The following NUDT21 variants were observed in gnomAD, a reference collection of about 807,000 sequenced individuals.
The protein encoded by NUDT21 is cleavage and polyadenylation specificity factor subunit 5.
A neutral mutation model predicts 29.8 loss-of-function variants in NUDT21; 5 were observed. That is an observed-to-expected ratio of 0.17 (90% CI 0.09 to 0.35). The LOEUF is 0.35. Ranked by LOEUF, NUDT21 falls within the 10% of genes least tolerant of loss-of-function variation. The pLI is 1.00. For missense variants in NUDT21, 76 were observed against 276.0 expected (o/e 0.28, Z 5.13); for synonymous variants, 113 against 98.5 (o/e 1.15, Z -0.87).
chr16:56,435,483 T>C (rs1464539009), intron 4 of NUDT21, among the ~76,000 whole-genome samples: 3 of 151,002 alleles, frequency 2.0e-5, no homozygotes, highest in Admixed American at 6.6e-5. Context: ...TCGCAGCACT[T>C]TGGGAGGCCA....
At position 56,434,311 on chromosome 16, in the gene NUDT21, A is replaced by C. The variant is rs1962070258; in HGVS notation, c.662+20T>G. ...TGACAGTTAATATGGATGAACCAAAAAATGTTCAACTTTCTGTACCTGCTC... is the reference window on the plus strand; with the variant it reads ...TGACAGTTAATATGGATGAACCAAACAATGTTCAACTTTCTGTACCTGCTC... On this transcript the variant is annotated intron_variant, in intron 6 of 6. Coordinates refer to ENST00000300291, the MANE Select transcript of NUDT21 (RefSeq NM_007006.3). 6.6e-7 allele frequency: 1 copy of C among 1,521,642 alleles called. No homozygotes were observed. The highest frequency in any genetic ancestry group is 1.1e-5 in the South Asian group (1 of 88,968). 94.3% of individuals were successfully genotyped at this position (1,521,642 alleles called of 1,614,324 possible). A position where few individuals can be genotyped will look rare whatever the true frequency, so the allele number is the denominator to read the frequency against.
rs1213786439 is a variant in NUDT21, at chr16:56,429,501, C to G, written c.*3211G>C. The G allele has an allele frequency of 6.6e-6, 1 of 152,106 alleles. No homozygotes were observed. Among genetic ancestry groups the G allele is most frequent in the Non-Finnish European group, 1.5e-5 (1 of 68,016 alleles). The allele number at this position is 152,106 out of a possible 1,614,324, so 9.4% of individuals were successfully genotyped here. ...CTAGGTTTTAGTAAGTTTTTTTCCA[C>G]AAAAACAAGCTTAATAACTATAATA... On this transcript the variant is annotated 3_prime_UTR_variant, in exon 7 of 7. Transcript: ENST00000300291.
chr16:56,445,126 G>A (rs1266878027), intron 3 of NUDT21, among the ~76,000 whole-genome samples: 2 of 152,086 alleles, frequency 1.3e-5, no homozygotes, highest in Non-Finnish European at 2.9e-5. Context: ...GGAGGTGACA[G>A]TGAGACAAGA....
intron 1 of NUDT21, among the ~76,000 whole-genome samples, chr16:56,449,783 A>AT (rs561475990): frequency 6.6e-6 from 1 of 152,092 alleles, no homozygotes; most frequent in Non-Finnish European, 1.5e-5. Flanking sequence ...TTTTTTCTTA[A>AT]TTTTTAAAAA....
At position 56,433,768 on chromosome 16, in the gene NUDT21, A is replaced by G. The variant is rs992883374; in HGVS notation, c.662+563T>C. On this transcript the variant is annotated intron_variant, in intron 6 of 6. Transcript: ENST00000300291. ...AGTAGCGTGATCTCAGTTCATTGCA[A>G]CCTCTGCCTCCCGGGTTCAAGCAAT... Among the ~76,000 whole-genome samples the G allele has an allele frequency of 3.3e-5, 5 of 152,060 alleles. No homozygotes were observed. The East Asian group carries it at 7.7e-4, about 24-fold the overall frequency.
chr16:56,441,776 T>C (rs917455112), intron 3 of NUDT21, among the ~76,000 whole-genome samples: 19 of 152,266 alleles, frequency 1.2e-4, no homozygotes, highest in African/African-American at 4.1e-4. Flanking sequence ...CTTTAGTTAA[T>C]AACTTTCATT....
intron 4 of NUDT21, among the ~76,000 whole-genome samples, chr16:56,435,817 G>A (rs1222505236): frequency 9.8e-6 from 1 of 102,114 alleles, no homozygotes; most frequent in Non-Finnish European, 1.8e-5. Flanking sequence ...GAATCCTGTT[G>A]TAGACCTGTT....
At chr16:56,434,565 T>C (rs1285961341) in intron 5 of NUDT21, 120 bp from the exon 6 acceptor site, 2 of 782,804 alleles carry the variant, frequency 2.6e-6, no homozygotes, top group Non-Finnish European at 4.2e-6. Flanking sequence ...TTCTCATTAA[T>C]ACATTTTGGT....
At chr16:56,436,382 C>T (rs1477978496) in intron 4 of NUDT21, among the ~76,000 whole-genome samples, 1 of 152,218 alleles carries the variant, frequency 6.6e-6, no homozygotes, top group African/African-American at 2.4e-5. Flanking sequence ...TTAACTGTAT[C>T]TATTCAACTC....
intron 6 of NUDT21, 75 bp downstream of exon 6, chr16:56,434,256 C>T: frequency 1.1e-6 from 1 of 925,964 alleles, no homozygotes; most frequent in Non-Finnish European, 1.8e-6. Context: ...TGAACTATAC[C>T]TTCCCAAGTG....
rs758925789 is a variant in NUDT21 at position 56,451,246 on chromosome 16, AG to A, written c.-45del. ...TGACGGCGAGCAGAAAGTGGCAGGC[AG>A]GGTAGACTTTCCCCGTGCGGGAAGC... On this transcript the variant is annotated 5_prime_UTR_variant, in exon 1 of 7. Coordinates refer to ENST00000300291, the MANE Select transcript of NUDT21 (RefSeq NM_007006.3). 7.0e-7 allele frequency: 1 copy of A among 1,438,822 alleles called. No homozygotes were observed. Among genetic ancestry groups the A allele is most frequent in the Non-Finnish European group, 9.6e-7 (1 of 1,047,078 alleles). 89.1% of individuals were successfully genotyped at this position (1,438,822 alleles called of 1,614,324 possible).
rs1962039466 is a variant in NUDT21 at position 56,431,973 on chromosome 16, T to A, written c.*739A>T. On this transcript the variant is annotated 3_prime_UTR_variant, in exon 7 of 7. Transcript: ENST00000300291. ...CCTTCACAGATCCCTATTTTTACCA[T>A]GGCTTTAAGAATAAGACACATAATT... The A allele has an allele frequency of 6.6e-6, 1 of 152,222 alleles. No individual in the cohort carries two copies. Among genetic ancestry groups the A allele is most frequent in the African/African-American group, 2.4e-5 (1 of 41,454 alleles). The allele number at this position is 152,222 out of a possible 1,614,324, so 9.4% of individuals were successfully genotyped here.
chr16:56,438,856 T>C (rs1355899247), intron 4 of NUDT21, among the ~76,000 whole-genome samples: 1 of 151,630 alleles, frequency 6.6e-6, no homozygotes, highest in African/African-American at 2.4e-5. Flanking sequence ...TCCAAACAAA[T>C]TATAAAAAGA....
chr16:56,434,200 C>A, intron 6 of NUDT21, 131 bp downstream of exon 6: 4 of 663,626 alleles, frequency 6.0e-6, no homozygotes, highest in Non-Finnish European at 1.1e-5. Flanking sequence ...TGCACATGAT[C>A]TAAGAGTCTA....
chr16:56,432,635 C>T lies in NUDT21; in HGVS notation c.*77G>A, dbSNP rs1596952709. On this transcript the variant is annotated 3_prime_UTR_variant, in exon 7 of 7. Coordinates refer to ENST00000300291, the MANE Select transcript of NUDT21 (RefSeq NM_007006.3). ...AGATAAAACCAAAAAAACTTTTCTA[C>T]CACATTTATTCTACACTGTATATAG... 1.5e-6 allele frequency: 2 copies of T among 1,331,092 alleles called. No individual in the cohort carries two copies. The allele number at this position is 1,331,092 out of a possible 1,614,324, so 82.5% of individuals were successfully genotyped here.
intron 3 of NUDT21, among the ~76,000 whole-genome samples, chr16:56,443,165 C>T (rs1262371988): frequency 1.3e-5 from 2 of 151,798 alleles, no homozygotes; most frequent in Non-Finnish European, 1.5e-5. Context: ...AGTGATAGGA[C>T]TACAATATTT....
At chr16:56,447,604 C>T in intron 2 of NUDT21, 185 bp downstream of exon 2, 1 of 586,610 alleles carries the variant, frequency 1.7e-6, no homozygotes, top group Non-Finnish European at 3.0e-6. Flanking sequence ...ATACAGATTA[C>T]TAGTTAGGAA....
intron 3 of NUDT21, among the ~76,000 whole-genome samples, chr16:56,442,861 C>G (rs539427537): frequency 6.6e-6 from 1 of 152,190 alleles, no homozygotes; most frequent in East Asian, 1.9e-4. Flanking sequence ...AACCTCTTAA[C>G]TCTTTACTGA....
At chr16:56,445,343 G>T (rs1039142732) in intron 3 of NUDT21, among the ~76,000 whole-genome samples, 15 of 152,158 alleles carry the variant, frequency 9.9e-5, no homozygotes, top group Non-Finnish European at 1.9e-4. Flanking sequence ...AAGATGTTTT[G>T]ATACAGGCAT....
Sources: gnomAD v4.1 joint callset for allele counts (sites outside exome capture counted in the v4.1 genomes callset) on GRCh38, gnomAD v4.1.1 for gene constraint, MANE v1.5 for transcripts, NCBI Gene and HGNC (gene_info 2026-07-23, HGNC 2026-07-21) for gene names.